Variants in NCAPG2 observed in about 807,000 individuals in gnomAD.
NCAPG2 encodes the protein non-SMC condensin II complex subunit G2, also known as condensin-2 complex subunit G2.
A neutral mutation model predicts 141.1 loss-of-function variants in NCAPG2; 53 were observed. That is an observed-to-expected ratio of 0.38 (90% confidence interval 0.30 to 0.47). The LOEUF (loss-of-function observed/expected upper bound fraction) is 0.47. Among genes scored for constraint, NCAPG2 ranks in the 20% least tolerant of loss-of-function variants. The pLI is 0.99. For synonymous variants in NCAPG2, 499 were observed against 490.7 expected, an observed-to-expected ratio of 1.02 and a Z score of -0.22; for missense variants, 1,087 against 1,389.0, an observed-to-expected ratio of 0.78 and a Z score of 3.46.
At chr7:158,690,815 T>G (rs965516453) in intron 4 of NCAPG2, 93 bp from the exon 5 acceptor site, 6 of 1,180,776 alleles carry the variant, frequency 5.1e-6, no homozygotes, top group Non-Finnish European at 5.8e-6. Flanking sequence ...TATATATTAT[T>G]TAAAGCTTTG....
intron 13 of NCAPG2, among the ~76,000 whole-genome samples, chr7:158,669,749 A>C (rs1833549934): frequency 7.7e-6 from 1 of 130,438 alleles, no homozygotes. Flanking sequence ...AGCCTGGGTG[A>C]CAGAGCGAGA....
chr7:158,692,976 G>T lies in NCAPG2; in HGVS notation c.268-20C>A. The T allele has an allele frequency of 7.1e-7, 1 of 1,405,604 alleles. No homozygotes were observed. Among genetic ancestry groups the T allele is most frequent in the Non-Finnish European group, 9.8e-7 (1 of 1,015,234 alleles). The allele number at this position is 1,405,604 out of a possible 1,614,324, so 87.1% of individuals were successfully genotyped here. A position where few individuals can be genotyped will look rare whatever the true frequency, so the allele number is the denominator to read the frequency against. ...TTTTCTCTATAAATGAAAAATCAAA[G>T]CATGAGTGAATTAAAATCATCAACT... On this transcript the variant is annotated intron_variant, in intron 3 of 27. Transcript: ENST00000356309.
Position 158,631,249 on chromosome 7 carries a change from G to C in NCAPG2, c.*417C>G, listed in dbSNP as rs1829880347. The C allele has an allele frequency of 1.6e-5, 3 of 184,796 alleles. No individual in the cohort carries two copies. The allele number at this position is 184,796 out of a possible 1,614,324, so 11.4% of individuals were successfully genotyped here. A position where few individuals can be genotyped will look rare whatever the true frequency, so the allele number is the denominator to read the frequency against. Reference sequence around the variant, plus strand: ...TATCTGCCTGCCTCAGCCTCCCAAAGTGCTGGGATTACAGGCGTGTGCCAC... The same window carrying C: ...TATCTGCCTGCCTCAGCCTCCCAAACTGCTGGGATTACAGGCGTGTGCCAC... On this transcript the variant is annotated 3_prime_UTR_variant, in exon 28 of 28. Coordinates refer to ENST00000356309, the MANE Select transcript of NCAPG2 (RefSeq NM_017760.7).
At chr7:158,687,669 G>A (rs947170018) in intron 6 of NCAPG2, among the ~76,000 whole-genome samples, 61 of 152,310 alleles carry the variant, frequency 4.0e-4, no homozygotes, top group African/African-American at 1.3e-3. Context: ...TACACTGAGC[G>A]CCTCTGTCCT....
Position 158,633,453 on chromosome 7 carries a change from CTGTGT to C in NCAPG2, c.3381-1741_3381-1737del, listed in dbSNP as rs1339921359. On this transcript the variant is annotated intron_variant, in intron 27 of 27. Transcript: ENST00000356309. This position sits in a 1 kb window ranked among gnomAD's most constrained non-coding sequence, Gnocchi z 4.1. ...CCACCCTCTGTGTGGTTATTTCTGC[CTGTGT>C]TGAACCAGGGGTGAGGGCACAGCTA... Among the ~76,000 whole-genome samples, 2 of 152,252 alleles carry C rather than the reference CTGTGT, an allele frequency of 1.3e-5. No homozygotes were observed. The highest frequency in any genetic ancestry group is 4.8e-5 in the African/African-American group (2 of 41,476).
chr7:158,687,085 C>T (rs1053685343), intron 7 of NCAPG2, among the ~76,000 whole-genome samples: 4 of 152,172 alleles, frequency 2.6e-5, no homozygotes, highest in East Asian at 1.9e-4. Flanking sequence ...GGCTTTATTA[C>T]GAGCGAGGCT....
chr7:158,668,524 G>A (rs1171014085), intron 13 of NCAPG2: 17 of 764,880 alleles, frequency 2.2e-5, no homozygotes, highest in Non-Finnish European at 2.7e-5. Context: ...ATGATGTCTG[G>A]AATTTATTTC....
At chr7:158,658,023 C>G (rs1563521756) in intron 17 of NCAPG2, among the ~76,000 whole-genome samples, 1 of 151,686 alleles carries the variant, frequency 6.6e-6, no homozygotes, top group Non-Finnish European at 1.5e-5. Context: ...TGCGGAAGGC[C>G]GCAGGGTCCT....
intron 2 of NCAPG2, among the ~76,000 whole-genome samples, chr7:158,697,180 G>A (rs1452881778): frequency 1.3e-5 from 2 of 152,202 alleles, no homozygotes; most frequent in Non-Finnish European, 2.9e-5. Flanking sequence ...GTCTGTTATT[G>A]CCCCTGAAGA....
chr7:158,662,279 C>G lies in NCAPG2; in HGVS notation c.1904G>C (p.Arg635Thr). 1 of 1,611,026 alleles carries G rather than the reference C, an allele frequency of 6.2e-7. No individual in the cohort carries two copies. The highest frequency in any genetic ancestry group is 1.3e-5 in the African/African-American group (1 of 75,020). Reference sequence around the variant, plus strand: ...GGCCTCTTTATTATTTTCCATACTTCTGTCAATACTTTTCCAGAGAATCAC... The same window carrying G: ...GGCCTCTTTATTATTTTCCATACTTGTGTCAATACTTTTCCAGAGAATCAC... The part of the protein sequence containing the change: ...IIVILWKSID[R>T]SMENNKEAKL... Residue 635 changes from arginine to threonine, a missense_variant, in exon 16 of 28, where the codon AGA (arginine) becomes ACA (threonine). Physicochemically the swap from Arg to Thr is moderately conservative, Grantham distance 71 (BLOSUM62 -1). Coordinates refer to ENST00000356309, the MANE Select transcript of NCAPG2 (RefSeq NM_017760.7).
chr7:158,692,820 A>C (rs760846952), intron 4 of NCAPG2, 22 bp downstream of exon 4: 2 of 1,345,066 alleles, frequency 1.5e-6, no homozygotes, highest in East Asian at 4.6e-5. Context: ...TAAATATGCC[A>C]TTTATAACAA....
At chr7:158,654,827 G>C (rs916941148) in intron 21 of NCAPG2, 133 bp from the exon 22 acceptor site, 2 of 1,393,392 alleles carry the variant, frequency 1.4e-6, no homozygotes, top group Admixed American at 3.2e-5. Context: ...TTTTATAAAG[G>C]AATTTTCATA....
Position 158,667,329 on chromosome 7 carries a change from G to GCCCGCCTTACCCA in NCAPG2, c.1480-2580_1480-2579insTGGGTAAGGCGGG, listed in dbSNP as rs1263927263. 1.1e-3 allele frequency: 213 copies of GCCCGCCTTACCCA among 194,392 alleles called. 8 individuals are homozygous for GCCCGCCTTACCCA. The African/African-American group carries it at 0.011, about 10-fold the overall frequency. The allele number at this position is 194,392 out of a possible 1,614,324, so 12.0% of individuals were successfully genotyped here. ...CCCTTAGCCGCTACTGTGTCCCTCCGCTACTGTGTCCCTCCGCTCCTTAGC... is the reference window on the plus strand; with the variant it reads ...CCCTTAGCCGCTACTGTGTCCCTCCGCCCGCCTTACCCACTACTGTGTCCCTCCGCTCCTTAGC... On this transcript the variant is annotated intron_variant, in intron 13 of 27. Transcript: ENST00000356309.
chr7:158,645,717 C>T (rs1392593524), intron 25 of NCAPG2, 98 bp from the exon 26 acceptor site: 5 of 1,101,226 alleles, frequency 4.5e-6, no homozygotes, highest in Non-Finnish European at 6.7e-6. Flanking sequence ...ACCACAAACC[C>T]CAGTTTGCAG....
chr7:158,694,765 C>A (rs1587300729), intron 2 of NCAPG2, among the ~76,000 whole-genome samples: 1 of 152,092 alleles, frequency 6.6e-6, no homozygotes, highest in African/African-American at 2.4e-5. Context: ...TCCTCTCCTG[C>A]CCTGGTGTTT....
chr7:158,637,102 C>T (rs1047863267), intron 27 of NCAPG2, among the ~76,000 whole-genome samples: 7 of 152,066 alleles, frequency 4.6e-5, no homozygotes, highest in Non-Finnish European at 7.4e-5. Context: ...CGCCCGCCAC[C>T]ATGCCCGGCT....
At chr7:158,682,920 C>T (rs1834531045) in intron 9 of NCAPG2, among the ~76,000 whole-genome samples, 1 of 152,088 alleles carries the variant, frequency 6.6e-6, no homozygotes, top group Non-Finnish European at 1.5e-5. Context: ...ACAATCAAAA[C>T]ATTTATTCAT....
chr7:158,662,127 C>T (rs1452443728), intron 16 of NCAPG2, 67 bp downstream of exon 16: 1 of 1,441,040 alleles, frequency 6.9e-7, no homozygotes, highest in Non-Finnish European at 9.3e-7. Context: ...TGTTTGAGAA[C>T]TTTTGTTAAA....
chr7:158,667,247 T>G (rs1164885727), intron 13 of NCAPG2: 9 of 984,180 alleles, frequency 9.1e-6, no homozygotes, highest in Admixed American at 6.2e-5. Flanking sequence ...AACTTCCTGG[T>G]GGGCCAGAGA....
Sources: gnomAD v4.1 joint callset for allele counts (sites outside exome capture counted in the v4.1 genomes callset) on GRCh38, gnomAD v4.1.1 for gene constraint, Gnocchi (gnomAD v3.1) non-coding constraint, MANE v1.5 for transcripts, NCBI Gene and HGNC (gene_info 2026-07-23, HGNC 2026-07-21) for gene names.